FANCD2: variants seen among roughly 807,000 people sequenced by gnomAD.
FANCD2 encodes the protein FA complementation group D2.
A neutral mutation model predicts 192.3 loss-of-function variants in FANCD2; 131 were observed. That is an observed-to-expected ratio of 0.68 (90% CI 0.59 to 0.79). FANCD2 has a LOEUF of 0.79. Ranked by LOEUF, FANCD2 falls within the 30% of genes least tolerant of loss-of-function variation. The probability of loss-of-function intolerance (pLI) is 0.00; values close to 1 mark genes in which losing one functional copy is unlikely to be tolerated. For missense variants in FANCD2, 1,508 were observed against 1,701.6 expected (o/e 0.89, Z 2.00); for synonymous variants, 524 against 612.5 (o/e 0.86, Z 2.13).
At chr3:10,091,672 A>C (rs1296760262) in intron 37 of FANCD2, among the ~76,000 whole-genome samples, 1 of 151,384 alleles carries the variant, frequency 6.6e-6, no homozygotes, top group Admixed American at 6.6e-5. Context: ...CCCATTCCTC[A>C]CCTCTAACTA....
intron 26 of FANCD2, among the ~76,000 whole-genome samples, chr3:10,070,260 G>A (rs1276287345): frequency 6.7e-6 from 1 of 149,480 alleles, no homozygotes; most frequent in Non-Finnish European, 1.5e-5. Context: ...GAGTCCCTCC[G>A]CCCGGCAGCC....
chr3:10,061,874 T>C (rs2087577346), intron 19 of FANCD2, among the ~76,000 whole-genome samples: 1 of 151,466 alleles, frequency 6.6e-6, no homozygotes, highest in African/African-American at 2.4e-5. Context: ...ATTCTGTGTT[T>C]TTACCAAACA....
chr3:10,088,414 C>T (rs149146745), intron 34 of FANCD2, 35 bp from the exon 35 acceptor site: 217 of 1,253,650 alleles, frequency 1.7e-4, no homozygotes, highest in Non-Finnish European at 2.4e-4. Flanking sequence ...GTCAAGTTCC[C>T]ATATGTAAGA....
At chr3:10,065,788 C>G (rs2125036988) in intron 24 of FANCD2, 76 bp from the exon 25 acceptor site, 4 of 896,492 alleles carry the variant, frequency 4.5e-6, no homozygotes, top group East Asian at 2.4e-5. Context: ...ATAGCAAGGA[C>G]AGCTAGCTCC....
intron 43 of FANCD2, 94 bp from the exon 44 acceptor site, chr3:10,101,094 A>G: frequency 3.1e-6 from 3 of 971,230 alleles, no homozygotes; most frequent in South Asian, 2.6e-5. Context: ...TAACAGTGAT[A>G]ATAGTACAGT....
intron 9 of FANCD2, 27 bp downstream of exon 9, chr3:10,039,872 A>T (rs780267423): frequency 1.9e-6 from 3 of 1,613,788 alleles, no homozygotes; most frequent in Non-Finnish European, 2.5e-6. Context: ...TCATCATCTA[A>T]GTGAGGCTCA....
intron 7 of FANCD2, among the ~76,000 whole-genome samples, chr3:10,037,130 T>TG (rs971736510): frequency 1.3e-5 from 2 of 151,858 alleles, no homozygotes; most frequent in African/African-American, 4.8e-5. Flanking sequence ...TGGCCCTACC[T>TG]GTTTTTTTTT....
At chr3:10,086,225 G>A (rs1386904429) in intron 33 of FANCD2, among the ~76,000 whole-genome samples, 1 of 152,178 alleles carries the variant, frequency 6.6e-6, no homozygotes, top group East Asian at 1.9e-4. Context: ...GGGACCTACT[G>A]TCTCCCAGCA....
At chr3:10,045,223 C>T (rs887208700) in intron 14 of FANCD2, among the ~76,000 whole-genome samples, 31 of 152,040 alleles carry the variant, frequency 2.0e-4, no homozygotes, top group African/African-American at 7.2e-4. Flanking sequence ...GGCTGGACTG[C>T]ACTGGCGTGA....
At chr3:10,035,323 G>T in intron 6 of FANCD2, 90 bp downstream of exon 6, 1 of 1,159,682 alleles carries the variant, frequency 8.6e-7, no homozygotes, top group Non-Finnish European at 1.3e-6. Flanking sequence ...GGATAGAGTA[G>T]GGTTAATTGG....
At chr3:10,090,071 C>T (rs1694493729) in intron 36 of FANCD2, among the ~76,000 whole-genome samples, 1 of 152,150 alleles carries the variant, frequency 6.6e-6, no homozygotes, top group Non-Finnish European at 1.5e-5. Flanking sequence ...TTCCATACTA[C>T]CATAACACCT....
intron 26 of FANCD2, among the ~76,000 whole-genome samples, chr3:10,068,574 C>T: frequency 6.6e-6 from 1 of 151,540 alleles, no homozygotes; most frequent in East Asian, 1.9e-4. Flanking sequence ...CTACCCAACA[C>T]AATCTACAGA....
At chr3:10,058,919 A>G (rs1015646969) in intron 18 of FANCD2, among the ~76,000 whole-genome samples, 3 of 152,210 alleles carry the variant, frequency 2.0e-5, no homozygotes, top group Non-Finnish European at 4.4e-5. Flanking sequence ...ATCACTTTGA[A>G]TGGTATTAGC....
intron 18 of FANCD2, among the ~76,000 whole-genome samples, chr3:10,056,835 A>G (rs1159010096): frequency 1.3e-5 from 2 of 152,132 alleles, no homozygotes; most frequent in African/African-American, 4.8e-5. Context: ...AGAAATGTCT[A>G]TTCAAGTCCT....
In FANCD2 at chr3:10,040,651, A is replaced by G. The variant is rs56219631; in HGVS notation, c.695+806A>G. On this transcript the variant is annotated intron_variant, in intron 9 of 43. Coordinates refer to ENST00000675286, the MANE Select transcript of FANCD2 (RefSeq NM_001018115.3). ...GGAAGTATTGAAGAAGGGGAGAACA[A>G]TATCCCTAGGTAATAAAGTTTCCAT... 5.9e-3 allele frequency: 2,618 copies of G among 446,314 alleles called. 73 individuals carry two copies. Among genetic ancestry groups the G allele is most frequent in the South Asian group, 0.035 (2,206 of 62,612 alleles). The allele number at this position is 446,314 out of a possible 1,614,324, so 27.6% of individuals were successfully genotyped here.
At chr3:10,039,672 C>G (rs768078549) in intron 8 of FANCD2, 49 bp from the exon 9 acceptor site, 4 of 1,610,592 alleles carry the variant, frequency 2.5e-6, no homozygotes, top group South Asian at 1.1e-5. Flanking sequence ...GGTAGTCTTT[C>G]TTTATTCTGG....
At chr3:10,082,715 T>C (rs1420070532) in intron 32 of FANCD2, among the ~76,000 whole-genome samples, 1 of 152,198 alleles carries the variant, frequency 6.6e-6, no homozygotes, top group Non-Finnish European at 1.5e-5. Flanking sequence ...GCATCCATCC[T>C]GCCTCTCTAA....
intron 18 of FANCD2, among the ~76,000 whole-genome samples, chr3:10,057,186 G>A (rs777797004): frequency 2.6e-5 from 4 of 151,994 alleles, no homozygotes; most frequent in South Asian, 2.1e-4. Flanking sequence ...GGTTTTTGTC[G>A]TTTTGAGGTA....
rs4019784 is a variant in FANCD2 at position 10,064,724 on chromosome 3, C to A, written c.2022-5C>A. 2.1e-5 allele frequency: 32 copies of A among 1,551,104 alleles called. No individual in the cohort carries two copies. The South Asian group carries it at 3.2e-4, about 15-fold the overall frequency. On this transcript the variant is annotated splice_region_variant and splice_polypyrimidine_tract_variant and intron_variant, in intron 22 of 43. Transcript: ENST00000675286. The stretch of plus-strand genomic sequence containing the variant: ...GCAACATCAGATTCTGGTTTTTCTC[C>A]GCAGTGACTTTCCATTTCCTGTGAA...
Sources: allele counts gnomAD v4.1 joint callset (sites outside exome capture counted in the v4.1 genomes callset), GRCh38; gene constraint gnomAD v4.1.1; transcripts MANE v1.5; gene names NCBI Gene and HGNC (gene_info 2026-07-23, HGNC 2026-07-21).